RIMS1: variants seen among roughly 807,000 people sequenced by gnomAD.
RIMS1 encodes the protein regulating synaptic membrane exocytosis protein 1.
In RIMS1, 83 loss-of-function variants were observed where a neutral mutation model predicts 214.1. The observed-to-expected ratio is 0.39, with a 90% confidence interval of 0.32 to 0.47. The LOEUF (loss-of-function observed/expected upper bound fraction) is 0.47, where lower values mean the gene tolerates loss of function less well. Among genes scored for constraint, RIMS1 ranks in the 20% least tolerant of loss-of-function variants. The pLI is 0.99. For missense variants in RIMS1, 2,050 were observed against 2,161.8 expected (o/e 0.95, Z 1.03); for synonymous variants, 793 against 786.8 (o/e 1.01, Z -0.13).
chr6:72,139,677 G>A (rs903094082), intron 4 of RIMS1, among the ~76,000 whole-genome samples: 1 of 151,840 alleles, frequency 6.6e-6, no homozygotes, highest in African/African-American at 2.4e-5. Flanking sequence ...TGGTATGAAG[G>A]GAAAGTTTCA....
intron 2 of RIMS1, among the ~76,000 whole-genome samples, chr6:72,072,497 A>G (rs927976746): frequency 2.6e-4 from 39 of 152,190 alleles, no homozygotes; most frequent in African/African-American, 8.2e-4. Context: ...AAGTGGTGGT[A>G]AGGCACAGAG....
intron 28 of RIMS1, among the ~76,000 whole-genome samples, chr6:72,326,563 A>T (rs538994540): frequency 6.6e-6 from 1 of 151,886 alleles, no homozygotes; most frequent in East Asian, 1.9e-4. Flanking sequence ...TATCCACATT[A>T]CTTGTTTGTA....
At chr6:72,365,421 T>C (rs2097962128) in intron 29 of RIMS1, among the ~76,000 whole-genome samples, 1 of 152,238 alleles carries the variant, frequency 6.6e-6, no homozygotes, top group African/African-American at 2.4e-5. Flanking sequence ...GGCTAAACTT[T>C]TGAATTACAT....
intron 2 of RIMS1, among the ~76,000 whole-genome samples, chr6:72,000,113 A>C (rs746638222): frequency 6.6e-6 from 1 of 152,146 alleles, no homozygotes; most frequent in Non-Finnish European, 1.5e-5. Context: ...AAAACAGTGT[A>C]AACTTACAAT....
intron 6 of RIMS1, among the ~76,000 whole-genome samples, chr6:72,214,811 T>C (rs927915389): frequency 1.3e-5 from 2 of 152,024 alleles, no homozygotes; most frequent in African/African-American, 4.8e-5. Flanking sequence ...AACCTCTGTC[T>C]CCTGGGTTCA....
chr6:72,259,109 C>G lies in RIMS1; in HGVS notation c.3051C>G (p.Asp1017Glu). Residue 1017 changes from aspartate to glutamate, a missense_variant and splice_region_variant, in exon 18 of 34, where the codon GAC (aspartate) becomes GAG (glutamate). This residue lies in a region of RIMS1 where 889 missense variants were observed against 885.5 expected (regional missense o/e 1.00). Transcript: ENST00000521978. ...ATAGTCAGTATTTATCAGAACAAGA[C>G]AGGTATTTGTCAAAATTATGATCTC... ...DVDSQYLSEQDSELLMLPRAK... is the reference protein window; with the variant it reads ...DVDSQYLSEQESELLMLPRAK... 8 of 1,611,330 alleles carry G rather than the reference C, an allele frequency of 5.0e-6. No homozygotes were observed. In the East Asian group the frequency reaches 6.7e-5, roughly 13 times the overall value.
intron 16 of RIMS1, among the ~76,000 whole-genome samples, chr6:72,254,076 G>A (rs2074701307): frequency 6.6e-6 from 1 of 152,096 alleles, no homozygotes; most frequent in African/African-American, 2.4e-5. Flanking sequence ...GTGTTGGCCA[G>A]GATGGTCTTG....
At chr6:71,960,513 T>A (rs932817062) in intron 1 of RIMS1, among the ~76,000 whole-genome samples, 1 of 152,152 alleles carries the variant, frequency 6.6e-6, no homozygotes, top group Non-Finnish European at 1.5e-5. Flanking sequence ...TTTATACAAC[T>A]AAAGCCCATG....
At chr6:72,067,016 C>T (rs751980294) in intron 2 of RIMS1, among the ~76,000 whole-genome samples, 24 of 152,160 alleles carry the variant, frequency 1.6e-4, no homozygotes, top group Non-Finnish European at 2.9e-4. Flanking sequence ...AGACCATCCT[C>T]CACTTCATAC....
intron 2 of RIMS1, among the ~76,000 whole-genome samples, chr6:72,092,727 A>C (rs1836630729): frequency 6.6e-6 from 1 of 152,072 alleles, no homozygotes; most frequent in Non-Finnish European, 1.5e-5. Context: ...ACTTGGTGAA[A>C]AGCTGCCCCA....
chr6:71,964,685 GA>G (rs903481681), intron 1 of RIMS1, among the ~76,000 whole-genome samples: 17 of 148,232 alleles, frequency 1.1e-4, no homozygotes, highest in East Asian at 5.9e-4. Flanking sequence ...AGGTTTAGGG[GA>G]AAAAAAAAAT....
chr6:72,114,558 T>C (rs2036707593), intron 4 of RIMS1, among the ~76,000 whole-genome samples: 2 of 152,028 alleles, frequency 1.3e-5, no homozygotes, highest in South Asian at 4.1e-4. Flanking sequence ...TGTTAATTCC[T>C]TCACTTTGCT....
chr6:72,324,422 A>G (rs1013270567), intron 28 of RIMS1, among the ~76,000 whole-genome samples: 1 of 151,948 alleles, frequency 6.6e-6, no homozygotes, highest in African/African-American at 2.4e-5. Context: ...TAATAGCATA[A>G]TAGAAGAATG....
chr6:72,359,220 T>G (rs1321706127), intron 29 of RIMS1, among the ~76,000 whole-genome samples: 1 of 152,190 alleles, frequency 6.6e-6, no homozygotes, highest in Non-Finnish European at 1.5e-5. Context: ...GGTGGATCCT[T>G]GCACCAATCT....
intron 2 of RIMS1, among the ~76,000 whole-genome samples, chr6:72,093,210 G>GTGTATATATATATATATATATATA (rs1562294267): frequency 5.3e-5 from 3 of 56,496 alleles, no homozygotes; most frequent in East Asian, 3.8e-4. Context: ...ATGTATGTGA[G>GTGTATATATATATATATATATATA]TATATATATA....
At position 72,324,027 on chromosome 6, in the gene RIMS1, C is replaced by CATAGATAGATAG. The variant is rs70994121; in HGVS notation, c.4131-9531_4131-9520dup. Among the ~76,000 whole-genome samples, 853 of 145,982 alleles carry CATAGATAGATAG rather than the reference C, an allele frequency of 5.8e-3. 4 individuals are homozygous for CATAGATAGATAG. The highest frequency in any genetic ancestry group is 8.2e-3 in the East Asian group (40 of 4,860). On this transcript the variant is annotated intron_variant, in intron 28 of 33. Coordinates refer to ENST00000521978, the MANE Select transcript of RIMS1 (RefSeq NM_014989.7). ...AAATAAATAAATGAGTGCATGCATG[C>CATAGATAGATAG]ATAGATAGATAGATAGATAGATAGA...
intron 4 of RIMS1, among the ~76,000 whole-genome samples, chr6:72,165,024 C>A (rs1245893073): frequency 6.6e-6 from 1 of 152,144 alleles, no homozygotes; most frequent in Non-Finnish European, 1.5e-5. Context: ...TTTGGCAAAC[C>A]ATGGCCAGAA....
At chr6:71,917,559 A>T (rs1002287511) in intron 1 of RIMS1, among the ~76,000 whole-genome samples, 2 of 152,134 alleles carry the variant, frequency 1.3e-5, no homozygotes, top group Non-Finnish European at 2.9e-5. Flanking sequence ...AGAGGGAAGA[A>T]GGTCACCTAG....
intron 2 of RIMS1, among the ~76,000 whole-genome samples, chr6:72,094,522 G>A (rs902943111): frequency 2.0e-5 from 3 of 152,100 alleles, no homozygotes; most frequent in African/African-American, 4.8e-5. Flanking sequence ...CATAAAGCAC[G>A]TACTAATGAG....
Sources: allele counts gnomAD v4.1 joint callset (sites outside exome capture counted in the v4.1 genomes callset), GRCh38; gene constraint gnomAD v4.1.1; regional missense constraint gnomAD v4.1.1; transcripts MANE v1.5; gene names NCBI Gene and HGNC (gene_info 2026-07-23, HGNC 2026-07-21).